DBF4B: variants seen among roughly 807,000 people sequenced by gnomAD.
DBF4B encodes the protein protein DBF4 homolog B.
Under a neutral mutation model 53.4 loss-of-function variants are expected in DBF4B, and 49 were observed. The observed-to-expected ratio is 0.92, with a 90% CI of 0.73 to 1.16. The LOEUF is 1.16. Ranked by LOEUF, DBF4B falls within the 50% of genes most tolerant of loss-of-function variation. DBF4B has a pLI of 0.00. For synonymous variants in DBF4B, 257 were observed against 288.7 expected (o/e 0.89, Z 1.11); for missense variants, 692 against 775.0 (o/e 0.89, Z 1.27).
In DBF4B at chr17:44,708,730, T is replaced by G; in HGVS notation, c.-91T>G. ...GTAGCTGCCCTGAGATAACCAGGAC[T>G]GTGGAATCGGGAAGAGCTCATGGAG... On this transcript the variant is annotated 5_prime_UTR_variant, in exon 1 of 14. Transcript: ENST00000315005. 1 of 1,470,208 alleles carries G rather than the reference T, an allele frequency of 6.8e-7. No individual in the cohort carries two copies. The highest frequency in any genetic ancestry group is 9.2e-7 in the Non-Finnish European group (1 of 1,086,302). 91.1% of individuals were successfully genotyped at this position (1,470,208 alleles called of 1,614,324 possible). A position where few individuals can be genotyped will look rare whatever the true frequency, so the allele number is the denominator to read the frequency against.
At chr17:44,716,045 A>G (rs1432047253) in intron 2 of DBF4B, among the ~76,000 whole-genome samples, 2 of 151,380 alleles carry the variant, frequency 1.3e-5, no homozygotes. Flanking sequence ...GCTGGTCTTA[A>G]ACTCCCGATC....
intron 3 of DBF4B, among the ~76,000 whole-genome samples, chr17:44,723,329 A>G (rs552531307): frequency 1.3e-4 from 20 of 151,428 alleles, no homozygotes; most frequent in African/African-American, 1.9e-4. Flanking sequence ...GTGGTCTTGA[A>G]CTCCTGACCT....
chr17:44,709,405 T>G, intron 2 of DBF4B, 39 bp downstream of exon 2: 1 of 1,612,010 alleles, frequency 6.2e-7, no homozygotes, highest in Non-Finnish European at 8.5e-7. Flanking sequence ...GAGGTGAAAA[T>G]TGCCCCAGGG....
chr17:44,725,116 CAAAAA>C (rs57821218), intron 3 of DBF4B, among the ~76,000 whole-genome samples: 1 of 47,598 alleles, frequency 2.1e-5, no homozygotes. Context: ...GACTCCATCT[CAAAAA>C]AAAAAAAAAA....
intron 2 of DBF4B, among the ~76,000 whole-genome samples, chr17:44,714,539 A>G (rs551257405): frequency 1.1e-3 from 163 of 152,080 alleles, no homozygotes; most frequent in Non-Finnish European, 2.0e-3. Context: ...CCCCTTACTA[A>G]CAGTATGATC....
chr17:44,748,084 C>T (rs900056537), intron 12 of DBF4B, among the ~76,000 whole-genome samples: 1 of 152,216 alleles, frequency 6.6e-6, no homozygotes, highest in Non-Finnish European at 1.5e-5. Context: ...TCTGTGAAGT[C>T]ATGAAATGGA....
chr17:44,740,388 T>C (rs1419741168), intron 9 of DBF4B, among the ~76,000 whole-genome samples: 1 of 152,176 alleles, frequency 6.6e-6, no homozygotes, highest in African/African-American at 2.4e-5. Context: ...TTGCGAAGTA[T>C]ACACAGATCA....
chr17:44,724,615 G>A (rs1486918203), intron 3 of DBF4B, among the ~76,000 whole-genome samples: 1 of 152,124 alleles, frequency 6.6e-6, no homozygotes, highest in Non-Finnish European at 1.5e-5. Context: ...TCCTGACCTC[G>A]TGATCCTCCC....
chr17:44,748,937 C>T (rs1379624088), intron 13 of DBF4B: 17 of 1,289,882 alleles, frequency 1.3e-5, no homozygotes, highest in African/African-American at 1.5e-5. Context: ...TGGCAGCCCA[C>T]AGACAGACCA....
At chr17:44,718,339 C>T (rs559570441) in intron 2 of DBF4B, among the ~76,000 whole-genome samples, 141 of 151,010 alleles carry the variant, frequency 9.3e-4, no homozygotes, top group African/African-American at 3.3e-3. Flanking sequence ...AGGAGAATCG[C>T]TTGAACCTGG....
intron 3 of DBF4B, among the ~76,000 whole-genome samples, chr17:44,727,407 A>C (rs549022682): frequency 6.6e-6 from 1 of 152,222 alleles, no homozygotes; most frequent in Non-Finnish European, 1.5e-5. Context: ...CAACAGAGCA[A>C]GACTCTGTCT....
intron 3 of DBF4B, among the ~76,000 whole-genome samples, chr17:44,726,082 C>T (rs985790646): frequency 6.3e-5 from 9 of 143,662 alleles, no homozygotes; most frequent in Admixed American, 4.1e-4. Flanking sequence ...CTCCACCTCC[C>T]GGGTTCAAGC....
intron 2 of DBF4B, among the ~76,000 whole-genome samples, chr17:44,711,655 T>TA (rs1468701908): frequency 2.7e-5 from 4 of 150,916 alleles, no homozygotes; most frequent in Non-Finnish European, 5.9e-5. Context: ...CTACTAAAAA[T>TA]ACAAAAAACA....
At chr17:44,746,184 A>G (rs1976577239) in intron 10 of DBF4B, among the ~76,000 whole-genome samples, 1 of 151,330 alleles carries the variant, frequency 6.6e-6, no homozygotes, top group South Asian at 2.1e-4. Context: ...GTGAGCCGAA[A>G]TCATGCTGCT....
chr17:44,726,292 T>TTTATTTA (rs1555676223), intron 3 of DBF4B, among the ~76,000 whole-genome samples: 11 of 132,054 alleles, frequency 8.3e-5, no homozygotes, highest in Admixed American at 1.6e-4. Flanking sequence ...CCCGGCCCTT[T>TTTATTTA]TTTATTTATT....
chr17:44,736,736 T>TG, intron 7 of DBF4B, 94 bp from the exon 8 acceptor site: 1 of 1,398,794 alleles, frequency 7.1e-7, no homozygotes. Flanking sequence ...GGAAGCAAAG[T>TG]GGGACAGACT....
At chr17:44,727,190 G>A (rs1974436846) in intron 3 of DBF4B, among the ~76,000 whole-genome samples, 1 of 150,864 alleles carries the variant, frequency 6.6e-6, no homozygotes, top group African/African-American at 2.4e-5. Flanking sequence ...GCTGAGGTGG[G>A]CAGATCACCT....
intron 3 of DBF4B, among the ~76,000 whole-genome samples, chr17:44,727,863 AATTTTTTTTTTTTTTTTTTTTTT>A (rs1974495879): frequency 7.8e-6 from 1 of 128,340 alleles, no homozygotes; most frequent in African/African-American, 2.9e-5. Context: ...ATGCCCGGGT[AATTTTTTTTTTTTTTTTTTTTTT>A]TTTGTACTTT....
chr17:44,729,864 T>C, intron 3 of DBF4B, 41 bp from the exon 4 acceptor site: 1 of 1,598,716 alleles, frequency 6.3e-7, no homozygotes, highest in South Asian at 1.1e-5. Context: ...AATTCTGCAT[T>C]TGCTTTTTGG....
Sources: gnomAD v4.1 joint callset for allele counts (sites outside exome capture counted in the v4.1 genomes callset) on GRCh38, gnomAD v4.1.1 for gene constraint, MANE v1.5 for transcripts, NCBI Gene and HGNC (gene_info 2026-07-23, HGNC 2026-07-21) for gene names.